Variants in PPFIA2 observed in about 807,000 individuals in gnomAD.
PPFIA2 encodes liprin-alpha-2.
In PPFIA2, 46 loss-of-function variants were observed where a neutral mutation model predicts 175.5. The ratio of observed to expected loss-of-function variants is 0.26; its 90% CI spans 0.21 to 0.34. The LOEUF is 0.34. Ranked by LOEUF, PPFIA2 falls within the 10% of genes least tolerant of loss-of-function variation. PPFIA2 has a pLI of 1.00. For missense variants in PPFIA2, 1,179 were observed against 1,506.1 expected (o/e 0.78, Z 3.60); for synonymous variants, 568 against 511.4 (o/e 1.11, Z -1.49).
chr12:81,606,077 T>C (rs79734417), intron 4 of PPFIA2, among the ~76,000 whole-genome samples: 1 of 152,112 alleles, frequency 6.6e-6, no homozygotes, highest in African/African-American at 2.4e-5. Context: ...AGTATTTGGT[T>C]TTCTGTTTGT....
chr12:81,757,007 A>T (rs2084786656), intron 2 of PPFIA2, among the ~76,000 whole-genome samples: 1 of 152,168 alleles, frequency 6.6e-6, no homozygotes, highest in Non-Finnish European at 1.5e-5. Flanking sequence ...ATAGTCTACA[A>T]AAAAATAAGG....
intron 3 of PPFIA2, among the ~76,000 whole-genome samples, chr12:81,685,188 A>G (rs923163610): frequency 6.6e-6 from 1 of 152,076 alleles, no homozygotes; most frequent in Non-Finnish European, 1.5e-5. Context: ...GGCTTAATGG[A>G]AACAACCTTT....
At chr12:81,565,516 C>G (rs2071103584) in intron 4 of PPFIA2, among the ~76,000 whole-genome samples, 1 of 152,182 alleles carries the variant, frequency 6.6e-6, no homozygotes, top group Admixed American at 6.5e-5. Flanking sequence ...TGTCTATCAT[C>G]TACCTAATTC....
At chr12:81,535,377 G>C (rs2065226373) in intron 4 of PPFIA2, 1 of 455,138 alleles carries the variant, frequency 2.2e-6, no homozygotes. Context: ...ATAGTCACCA[G>C]CACTGGATTT....
intron 13 of PPFIA2, 32 bp from the exon 14 acceptor site, chr12:81,367,202 T>C (rs924833497): frequency 2.4e-6 from 3 of 1,261,180 alleles, no homozygotes; most frequent in East Asian, 2.8e-5. Context: ...AAATAATTAA[T>C]AAATTAAACA....
intron 3 of PPFIA2, among the ~76,000 whole-genome samples, chr12:81,690,334 T>A (rs2075077569): frequency 6.6e-6 from 1 of 152,108 alleles, no homozygotes; most frequent in Non-Finnish European, 1.5e-5. Flanking sequence ...GTAAAACAGA[T>A]TCTGCCAGAA....
intron 30 of PPFIA2, among the ~76,000 whole-genome samples, chr12:81,264,060 T>C (rs1435201436): frequency 6.6e-6 from 1 of 152,126 alleles, no homozygotes; most frequent in Non-Finnish European, 1.5e-5. Context: ...CTGGTTACAT[T>C]TTAATAATGT....
chr12:81,741,147 T>C (rs976487866), intron 3 of PPFIA2, among the ~76,000 whole-genome samples: 1 of 152,186 alleles, frequency 6.6e-6, no homozygotes, highest in Non-Finnish European at 1.5e-5. Context: ...CTCAGTGCTA[T>C]GATTGTAACA....
At chr12:81,526,057 T>G (rs1342219951) in intron 4 of PPFIA2, among the ~76,000 whole-genome samples, 1 of 152,178 alleles carries the variant, frequency 6.6e-6, no homozygotes, top group African/African-American at 2.4e-5. Flanking sequence ...GATGAATCCT[T>G]TTTTCCTTTC....
At chr12:81,489,791 C>A (rs972094254) in intron 4 of PPFIA2, among the ~76,000 whole-genome samples, 1 of 151,754 alleles carries the variant, frequency 6.6e-6, no homozygotes, top group Non-Finnish European at 1.5e-5. Flanking sequence ...ACACTTAATT[C>A]AAAACATTTA....
rs1186033840 is a variant in PPFIA2, at chr12:81,259,615, T to C, written c.*79A>G. The C allele has an allele frequency of 6.5e-7, 1 of 1,530,712 alleles. No individual in the cohort carries two copies. The highest frequency in any genetic ancestry group is 1.2e-5 in the South Asian group (1 of 83,946). The allele number at this position is 1,530,712 out of a possible 1,614,324, so 94.8% of individuals were successfully genotyped here. A position where few individuals can be genotyped will look rare whatever the true frequency, so the allele number is the denominator to read the frequency against. The stretch of plus-strand genomic sequence containing the variant: ...ACAAAGGTTTTCACTGCTCGTCTTC[T>C]TAGATGGTAGTGCACTTTAGGTAGA... On this transcript the variant is annotated 3_prime_UTR_variant, in exon 33 of 33. Coordinates refer to ENST00000549396, the MANE Select transcript of PPFIA2 (RefSeq NM_003625.5).
chr12:81,444,003 C>T (rs1218219887), intron 6 of PPFIA2, among the ~76,000 whole-genome samples: 1 of 150,516 alleles, frequency 6.6e-6, no homozygotes, highest in East Asian at 2.0e-4. Context: ...TACAGGCGCC[C>T]GCCACCACGC....
chr12:81,672,331 A>T (rs1213100062), intron 4 of PPFIA2, among the ~76,000 whole-genome samples: 1 of 152,000 alleles, frequency 6.6e-6, no homozygotes, highest in Non-Finnish European at 1.5e-5. Flanking sequence ...CTCTAAGACC[A>T]TTTACAATTT....
intron 7 of PPFIA2, among the ~76,000 whole-genome samples, chr12:81,411,273 G>GA (rs2043918584): frequency 6.6e-6 from 1 of 152,024 alleles, no homozygotes; most frequent in Admixed American, 6.6e-5. Context: ...AAAGTTGGAG[G>GA]AATGATGGGA....
chr12:81,273,091 T>G (rs990399349), intron 28 of PPFIA2, among the ~76,000 whole-genome samples: 3 of 152,218 alleles, frequency 2.0e-5, no homozygotes, highest in African/African-American at 7.2e-5. Flanking sequence ...TTTTTTTTAC[T>G]GTATTATCAT....
At chr12:81,393,208 G>A (rs1166523811) in intron 8 of PPFIA2, among the ~76,000 whole-genome samples, 1 of 152,006 alleles carries the variant, frequency 6.6e-6, no homozygotes, top group Non-Finnish European at 1.5e-5. Context: ...ACATGTTAAT[G>A]ATTGATAGAG....
intron 8 of PPFIA2, among the ~76,000 whole-genome samples, chr12:81,396,286 G>T (rs1055700326): frequency 6.6e-6 from 1 of 152,022 alleles, no homozygotes; most frequent in Non-Finnish European, 1.5e-5. Context: ...TTTTATGGAG[G>T]TTATTATCTA....
At chr12:81,375,535 A>G (rs535045275) in intron 10 of PPFIA2, among the ~76,000 whole-genome samples, 54 of 152,214 alleles carry the variant, frequency 3.5e-4, no homozygotes, top group Admixed American at 6.5e-4. Flanking sequence ...ATACATGAAA[A>G]CTGTTTAGCA....
intron 5 of PPFIA2, among the ~76,000 whole-genome samples, chr12:81,446,719 G>A (rs1178970233): frequency 2.0e-5 from 3 of 152,050 alleles, no homozygotes; most frequent in Non-Finnish European, 4.4e-5. Context: ...TTTAAAAACA[G>A]ATATAAGACA....
Sources: allele counts gnomAD v4.1 joint callset (sites outside exome capture counted in the v4.1 genomes callset), GRCh38; gene constraint gnomAD v4.1.1; transcripts MANE v1.5; gene names NCBI Gene and HGNC (gene_info 2026-07-23, HGNC 2026-07-21).